DOCK4: variants seen among roughly 807,000 people sequenced by gnomAD.
The protein encoded by DOCK4 is dedicator of cytokinesis protein 4.
DOCK4 carries 97 observed loss-of-function variants against 268.1 expected under a neutral mutation model. That is an observed-to-expected ratio of 0.36 (90% CI 0.31 to 0.43). The LOEUF (loss-of-function observed/expected upper bound fraction) is 0.43, where lower values mean the gene tolerates loss of function less well. Among genes scored for constraint, DOCK4 ranks in the 20% least tolerant of loss-of-function variants. DOCK4 has a pLI of 1.00. For synonymous variants in DOCK4, 954 were observed against 887.2 expected (o/e 1.08, Z -1.34); for missense variants, 2,145 against 2,455.7 (o/e 0.87, Z 2.67).
At chr7:111,794,154 T>C (rs2133822637) in intron 30 of DOCK4, among the ~76,000 whole-genome samples, 1 of 152,212 alleles carries the variant, frequency 6.6e-6, no homozygotes, top group African/African-American at 2.4e-5. Flanking sequence ...GCAGCCATGG[T>C]AATAGAGAAA....
intron 35 of DOCK4, among the ~76,000 whole-genome samples, chr7:111,782,634 G>A (rs1412868790): frequency 6.6e-6 from 1 of 152,072 alleles, no homozygotes; most frequent in African/African-American, 2.4e-5. Context: ...CTCCTATTAG[G>A]GCTGTGGGGA....
intron 1 of DOCK4, among the ~76,000 whole-genome samples, chr7:112,179,271 AG>A (rs777720320): frequency 1.3e-5 from 2 of 152,016 alleles, no homozygotes; most frequent in Non-Finnish European, 2.9e-5. Flanking sequence ...CTGTAATCCC[AG>A]CTACTCTGGG....
intron 1 of DOCK4, among the ~76,000 whole-genome samples, chr7:112,043,441 T>C (rs1427473553): frequency 1.3e-5 from 2 of 152,122 alleles, no homozygotes; most frequent in African/African-American, 4.8e-5. Flanking sequence ...AACAATGAGA[T>C]GTTACAGTGT....
At chr7:111,924,886 A>G (rs1465990462) in intron 12 of DOCK4, among the ~76,000 whole-genome samples, 1 of 152,218 alleles carries the variant, frequency 6.6e-6, no homozygotes, top group Non-Finnish European at 1.5e-5. Flanking sequence ...TAAACTCTCA[A>G]AACACTATTT....
At chr7:111,807,620 A>G in intron 30 of DOCK4, 1 of 150,898 alleles carries the variant, frequency 6.6e-6, no homozygotes, top group Non-Finnish European at 1.5e-5. Context: ...GATTACAGGC[A>G]CCCCCCCACC....
At chr7:112,071,942 T>G (rs1807622738) in intron 1 of DOCK4, among the ~76,000 whole-genome samples, 1 of 152,236 alleles carries the variant, frequency 6.6e-6, no homozygotes, top group Non-Finnish European at 1.5e-5. Flanking sequence ...TCTATATGTT[T>G]ACAATTTTAG....
At chr7:112,170,351 C>T (rs1369007176) in intron 1 of DOCK4, among the ~76,000 whole-genome samples, 2 of 151,960 alleles carry the variant, frequency 1.3e-5, no homozygotes, top group Admixed American at 6.6e-5. Flanking sequence ...ATCCCAGCTA[C>T]TCAGGAGGCT....
intron 8 of DOCK4, among the ~76,000 whole-genome samples, chr7:111,960,222 G>A (rs1194660268): frequency 1.3e-5 from 2 of 151,690 alleles, no homozygotes; most frequent in African/African-American, 2.4e-5. Context: ...AAAATTAGCA[G>A]GGCGTGGTGG....
At chr7:112,062,335 G>C (rs1453262344) in intron 1 of DOCK4, among the ~76,000 whole-genome samples, 1 of 152,154 alleles carries the variant, frequency 6.6e-6, no homozygotes, top group Non-Finnish European at 1.5e-5. Context: ...GAGAATATAA[G>C]TCATGGAGTG....
intron 30 of DOCK4, among the ~76,000 whole-genome samples, chr7:111,805,964 G>A (rs999578428): frequency 3.9e-5 from 6 of 152,148 alleles, no homozygotes; most frequent in African/African-American, 1.4e-4. Flanking sequence ...ACATGATGAT[G>A]TTGTCTTTGT....
intron 14 of DOCK4, among the ~76,000 whole-genome samples, chr7:111,900,780 A>G (rs1435105062): frequency 6.6e-6 from 1 of 152,212 alleles, no homozygotes; most frequent in East Asian, 1.9e-4. Context: ...TGGGAGATGG[A>G]CGATTGCATG....
chr7:111,937,587 A>G (rs7811376), intron 11 of DOCK4, among the ~76,000 whole-genome samples: 22,011 of 152,184 alleles, frequency 0.14, 2,501 homozygotes, highest in East Asian at 0.35. Context: ...TTTCCCACTG[A>G]CAGGATAAAT....
At chr7:111,986,807 TCTTCCTAAGCTTCCCACATCAAGAGGG>T (rs1799088054) in intron 6 of DOCK4, among the ~76,000 whole-genome samples, 1 of 152,238 alleles carries the variant, frequency 6.6e-6, no homozygotes, top group South Asian at 2.1e-4. Context: ...AATGATCTCT[TCTTCCTAAGCTTCCCACATCAAGAGGG>T]CTTCTCTTCA....
At chr7:112,005,201 C>T (rs1039246552) in intron 1 of DOCK4, among the ~76,000 whole-genome samples, 9 of 152,164 alleles carry the variant, frequency 5.9e-5, no homozygotes. Flanking sequence ...GATATAACTC[C>T]AATCCCCAAA....
intron 30 of DOCK4, among the ~76,000 whole-genome samples, chr7:111,794,819 C>T (rs1260699834): frequency 1.3e-5 from 2 of 152,158 alleles, no homozygotes; most frequent in Non-Finnish European, 2.9e-5. Context: ...AATTCTTAAT[C>T]ACTCTCCTAG....
chr7:111,969,433 TAAAAAAAC>T (rs1356277552), intron 8 of DOCK4, among the ~76,000 whole-genome samples: 26 of 134,754 alleles, frequency 1.9e-4, no homozygotes, highest in African/African-American at 3.6e-4. Context: ...TTTTTTCTAT[TAAAAAAAC>T]AAAAAAACAA....
intron 7 of DOCK4, among the ~76,000 whole-genome samples, chr7:111,983,848 G>A (rs777118226): frequency 0.044 from 2,459 of 56,204 alleles, 76 homozygotes; most frequent in African/African-American, 0.13. Flanking sequence ...ACACACACGC[G>A]CGCGCGCGCG....
At chr7:111,762,631 T>A (rs12535961) in intron 39 of DOCK4, among the ~76,000 whole-genome samples, 43,612 of 151,954 alleles carry the variant, frequency 0.29, 7,463 homozygotes, top group East Asian at 0.56. Context: ...TTGGCTATTA[T>A]GAATAATGCT....
intron 1 of DOCK4, among the ~76,000 whole-genome samples, chr7:112,063,682 G>A (rs894065863): frequency 6.6e-6 from 1 of 152,120 alleles, no homozygotes; most frequent in African/African-American, 2.4e-5. Context: ...AAGAAAAAAG[G>A]AATTTACTGA....
Sources: allele counts gnomAD v4.1 joint callset (sites outside exome capture counted in the v4.1 genomes callset), GRCh38; gene constraint gnomAD v4.1.1; transcripts MANE v1.5; gene names NCBI Gene and HGNC (gene_info 2026-07-23, HGNC 2026-07-21).